Variants in AARS1 observed in about 807,000 individuals in gnomAD.
The protein encoded by AARS1 is alanyl-tRNA synthetase 1.
Under a neutral mutation model 108.9 loss-of-function variants are expected in AARS1, and 72 were observed. The ratio of observed to expected loss-of-function variants is 0.66; its 90% confidence interval spans 0.55 to 0.80. The LOEUF is 0.80. Ranked by LOEUF, AARS1 falls within the 30% of genes least tolerant of loss-of-function variation. The pLI, the probability that AARS1 is intolerant of heterozygous loss-of-function variation, is 0.00. For synonymous variants in AARS1, 489 were observed against 465.7 expected (o/e 1.05, Z -0.64); for missense variants, 1,193 against 1,233.2 (o/e 0.97, Z 0.49).
chr16:70,286,192 A>G lies in AARS1; in HGVS notation c.-22+3229T>C, dbSNP rs112579905. ...TTCAATCTAAATTTATATTTATTCG[A>G]TATAAATTCAATATATTTATTCAAC... On this transcript the variant is annotated intron_variant, in intron 1 of 20. Transcript: ENST00000261772. Among the ~76,000 whole-genome samples the G allele has an allele frequency of 3.3e-3, 504 of 152,234 alleles. 2 individuals carry two copies. The highest frequency in any genetic ancestry group is 0.011 in the African/African-American group (450 of 41,540).
In AARS1 at chr16:70,280,690, C is replaced by T. The variant is rs145853683; in HGVS notation, c.144+1930G>A. ...ATCTAACCTGAACCCCCTTCAGCCA[C>T]GACCAGCCTGGGAAGTACTGTTTAG... is the stretch of plus-strand genomic sequence containing the variant. On this transcript the variant is annotated intron_variant, in intron 2 of 20. Coordinates refer to ENST00000261772, the MANE Select transcript of AARS1 (RefSeq NM_001605.3). Among the ~76,000 whole-genome samples, 45 of 152,242 alleles carry T rather than the reference C, an allele frequency of 3.0e-4. No homozygotes were observed. In the East Asian group the frequency reaches 8.7e-3, roughly 29 times the overall value.
rs16970302 is a variant in AARS1, at chr16:70,268,430, T to G, written c.963-51A>C. The stretch of plus-strand genomic sequence containing the variant: ...AACGTTCCCAGCTGAGGGTTTTGTC[T>G]TGAGTCCCTTGGAATCCTACCCAAA... On this transcript the variant is annotated intron_variant, in intron 7 of 20. Coordinates refer to ENST00000261772, the MANE Select transcript of AARS1 (RefSeq NM_001605.3). 27,573 of 1,525,302 alleles carry G rather than the reference T, an allele frequency of 0.018. 4,040 individuals carry two copies. In the African/African-American group the frequency reaches 0.32, roughly 18 times the overall value. The allele number at this position is 1,525,302 out of a possible 1,614,324, so 94.5% of individuals were successfully genotyped here.
At position 70,282,875 on chromosome 16, in the gene AARS1, A is replaced by G. The variant is rs113285988; in HGVS notation, c.-21-91T>C. On this transcript the variant is annotated intron_variant, in intron 1 of 20. Transcript: ENST00000261772. ...GACTTCTGGCTTCTCAAGCCAAGTC[A>G]AAGCACGACTCAGGTGAGCTGTTTG... 10 of 1,287,096 alleles carry G rather than the reference A, an allele frequency of 7.8e-6. No individual in the cohort carries two copies. In the African/African-American group the frequency reaches 1.0e-4, roughly 13 times the overall value. The allele number at this position is 1,287,096 out of a possible 1,614,324, so 79.7% of individuals were successfully genotyped here. A position where few individuals can be genotyped will look rare whatever the true frequency, so the allele number is the denominator to read the frequency against.
chr16:70,267,738 C>A lies in AARS1; in HGVS notation c.1143G>T (p.Gln381His). The change falls in exon 9 of 21, where the codon CAG becomes CAT. Residue 381 changes from glutamine (Q) to histidine (H), a missense_variant. Transcript: ENST00000261772. ...VKDIINEEEVQFLKTLSRGRR... is the reference protein window; with the variant it reads ...VKDIINEEEVHFLKTLSRGRR... ...GCCCTCTGCTGAGAGTCTTGAGAAA[C>A]TGCACCTCTTCTTCATTAATGATGT... The A allele has an allele frequency of 6.2e-7, 1 of 1,614,202 alleles. No individual in the cohort carries two copies. Among genetic ancestry groups the A allele is most frequent in the Non-Finnish European group, 8.5e-7 (1 of 1,180,040 alleles).
chr16:70,255,950 G>T, intron 15 of AARS1, 114 bp from the exon 16 acceptor site: 1 of 973,158 alleles, frequency 1.0e-6, no homozygotes. Flanking sequence ...GGAAAGCCTG[G>T]GCTTGAGAGT....
chr16:70,281,487 G>A (rs1002419154), intron 2 of AARS1, among the ~76,000 whole-genome samples: 6 of 152,082 alleles, frequency 3.9e-5, no homozygotes, highest in Non-Finnish European at 7.4e-5. Context: ...CCAACATGGT[G>A]AAACCCCGTC....
rs1960361406 is a variant in AARS1 at position 70,270,107 on chromosome 16, A to G, written c.816+89T>C. ...AATGGGTACCCTTGGCTGGCAAAGC[A>G]TATGGTCATTTTTTCTTTGACAGCA... is the stretch of plus-strand genomic sequence containing the variant. On this transcript the variant is annotated intron_variant, in intron 6 of 20. Coordinates refer to ENST00000261772, the MANE Select transcript of AARS1 (RefSeq NM_001605.3). 5 of 1,521,154 alleles carry G rather than the reference A, an allele frequency of 3.3e-6. No individual in the cohort carries two copies. The African/African-American group carries it at 4.1e-5, about 13-fold the overall frequency. 94.2% of individuals were successfully genotyped at this position (1,521,154 alleles called of 1,614,324 possible). A position where few individuals can be genotyped will look rare whatever the true frequency, so the allele number is the denominator to read the frequency against.
intron 6 of AARS1, 139 bp from the exon 7 acceptor site, chr16:70,269,902 G>A: frequency 8.4e-7 from 1 of 1,184,046 alleles, no homozygotes; most frequent in Non-Finnish European, 1.2e-6. Flanking sequence ...CCAAGAACGT[G>A]ACATTGGGGA....
At position 70,271,859 on chromosome 16, in the gene AARS1, C is replaced by G; in HGVS notation, c.593G>C (p.Arg198Pro). ...SEIHYDRIGG[R>P]DAAHLVNQDD... ...CTGGTTGACAAGATGTGCGGCGTCCCGACCACCAATCCGGTCGTAGTGGAT... is the reference window on the plus strand; with the variant it reads ...CTGGTTGACAAGATGTGCGGCGTCCGGACCACCAATCCGGTCGTAGTGGAT... The change falls in exon 5 of 21, where the codon CGG becomes CCG. Residue 198 changes from arginine to proline, a missense_variant. By Grantham distance (103) the Arg-to-Pro change is moderately radical. Transcript: ENST00000261772. 6.2e-7 allele frequency: 1 copy of G among 1,613,910 alleles called. No individual in the cohort carries two copies.
In AARS1 at chr16:70,266,702, A is replaced by G. The variant is rs969015192; in HGVS notation, c.1222+957T>C. Among the ~76,000 whole-genome samples the G allele has an allele frequency of 1.1e-4, 17 of 151,488 alleles. No individual in the cohort carries two copies. The East Asian group carries it at 2.2e-3, about 20-fold the overall frequency. ...ATGCATGGCTAATTTTTGCATTTTT[A>G]GTAGAGATGGGGTTTTACCATGTTG... On this transcript the variant is annotated intron_variant, in intron 9 of 20. Transcript: ENST00000261772.
At chr16:70,279,286 G>A (rs1159616026) in intron 2 of AARS1, among the ~76,000 whole-genome samples, 2 of 147,368 alleles carry the variant, frequency 1.4e-5, no homozygotes, top group African/African-American at 5.0e-5. Flanking sequence ...GGGAGGCAGA[G>A]GTTGCAGTGA....
chr16:70,260,525 G>A lies in AARS1; in HGVS notation c.1785+519C>T, dbSNP rs185816569. The stretch of plus-strand genomic sequence containing the variant: ...AGCAATCCGTGAAAACAAGTCCACG[G>A]GATCTTAACTGAAATCACTGGTGAA... On this transcript the variant is annotated intron_variant, in intron 13 of 20. Transcript: ENST00000261772. Among the ~76,000 whole-genome samples the A allele has an allele frequency of 2.0e-4, 30 of 152,264 alleles. 1 individual carries two copies. Among genetic ancestry groups the A allele is most frequent in the South Asian group, 8.3e-4 (4 of 4,828 alleles).
At chr16:70,278,524 CA>C (rs1960609340) in intron 2 of AARS1, among the ~76,000 whole-genome samples, 1 of 150,472 alleles carries the variant, frequency 6.6e-6, no homozygotes, top group Admixed American at 6.6e-5. Flanking sequence ...AAGATCGTGC[CA>C]CTCTACTCCA....
intron 1 of AARS1, among the ~76,000 whole-genome samples, chr16:70,285,725 A>G (rs1960824121): frequency 1.3e-5 from 2 of 152,186 alleles, no homozygotes; most frequent in Admixed American, 1.3e-4. Flanking sequence ...CTAGGATTAC[A>G]GGCATGAGCC....
chr16:70,288,565 CTTTT>C lies in AARS1; in HGVS notation c.-22+852_-22+855del, dbSNP rs35168298. Among the ~76,000 whole-genome samples, 139 of 102,954 alleles carry C rather than the reference CTTTT, an allele frequency of 1.4e-3. 4 individuals are homozygous for C. The South Asian group carries it at 0.036, about 27-fold the overall frequency. 67.5% of individuals were successfully genotyped at this position (102,954 alleles called of 152,430 possible). On this transcript the variant is annotated intron_variant, in intron 1 of 20. Coordinates refer to ENST00000261772, the MANE Select transcript of AARS1 (RefSeq NM_001605.3). ...CCAGCAGCAACGACTGTTCTGGGCTCTTTTTTTTTTTTTTTTTTTGAAACGGAGT... is the reference window on the plus strand; with the variant it reads ...CCAGCAGCAACGACTGTTCTGGGCTCTTTTTTTTTTTTTTTGAAACGGAGT...
chr16:70,281,619 T>C (rs1960697947), intron 2 of AARS1, among the ~76,000 whole-genome samples: 3 of 152,172 alleles, frequency 2.0e-5, no homozygotes, highest in African/African-American at 4.8e-5. Context: ...TGAGCCAAGA[T>C]CGTGCCACTG....
At chr16:70,257,943 A>G in intron 15 of AARS1, 90 bp downstream of exon 15, 1 of 1,457,898 alleles carries the variant, frequency 6.9e-7, no homozygotes, top group South Asian at 1.2e-5. Flanking sequence ...CTTCAACCTT[A>G]GACAGACAAG....
intron 14 of AARS1, 149 bp from the exon 15 acceptor site, chr16:70,258,366 C>T (rs945022318): frequency 5.5e-5 from 43 of 788,704 alleles, no homozygotes; most frequent in Middle Eastern, 3.5e-4. Flanking sequence ...TCACACGCCA[C>T]GTGCAAAGTC....
chr16:70,264,853 G>T, intron 11 of AARS1, 105 bp downstream of exon 11: 1 of 1,427,434 alleles, frequency 7.0e-7, no homozygotes, highest in Non-Finnish European at 9.8e-7. Context: ...CTCCAGGAGA[G>T]GCTGTCAGCA....
Sources: gnomAD v4.1 joint callset for allele counts (sites outside exome capture counted in the v4.1 genomes callset) on GRCh38, gnomAD v4.1.1 for gene constraint, MANE v1.5 for transcripts, NCBI Gene and HGNC (gene_info 2026-07-23, HGNC 2026-07-21) for gene names.